The following CEP72 variants were observed in gnomAD, a reference collection of about 807,000 sequenced individuals.
CEP72 encodes centrosomal protein of 72 kDa.
Under a neutral mutation model 65.7 loss-of-function variants are expected in CEP72, and 78 were observed. The ratio of observed to expected loss-of-function variants is 1.19; its 90% CI spans 0.99 to 1.43. CEP72 has a LOEUF of 1.43. Among genes scored for constraint, CEP72 ranks in the 40% most tolerant of loss-of-function variants. The pLI, the probability that CEP72 is intolerant of heterozygous loss-of-function variation, is 0.00. For missense variants in CEP72, 914 were observed against 832.9 expected, an observed-to-expected ratio of 1.10 and a Z score of -1.20; for synonymous variants, 358 against 351.7, an observed-to-expected ratio of 1.02 and a Z score of -0.20.
chr5:665,120 C>T (rs1248189898), intron 2 of CEP72: 1 of 1,611,612 alleles, frequency 6.2e-7, no homozygotes, highest in South Asian at 1.1e-5. Flanking sequence ...CCCCTTGCAC[C>T]TTCTGGTCGT....
intron 4 of CEP72, among the ~76,000 whole-genome samples, chr5:632,121 G>A (rs547570718): frequency 1.6e-5 from 1 of 63,646 alleles, no homozygotes; most frequent in Admixed American, 1.6e-4. Flanking sequence ...GACCAGTCCT[G>A]GTGGGGTTCT....
chr5:673,783 A>G, the CEP72 span, among the ~76,000 whole-genome samples: 1 of 152,170 alleles, frequency 6.6e-6, no homozygotes, highest in South Asian at 2.1e-4. Context: ...GAGCAGCTCC[A>G]GCCCTGCCTC....
rs188421796 is a variant in CEP72, at chr5:623,020, G to A, written c.404-1451G>A. Among the ~76,000 whole-genome samples, 1 of 152,180 alleles carries A rather than the reference G, an allele frequency of 6.6e-6. No homozygotes were observed. Among genetic ancestry groups the A allele is most frequent in the Admixed American group, 6.5e-5 (1 of 15,292 alleles). On this transcript the variant is annotated intron_variant, in intron 3 of 11. Coordinates refer to ENST00000264935, the MANE Select transcript of CEP72 (RefSeq NM_018140.4). The surrounding 1 kb of genome is among the most constrained non-coding windows in gnomAD (Gnocchi z 5.3). ...GTTTCTGCAGAGAAGGAGCGCAGCC[G>A]TCTCCCCTCTTAGTGTTTCTGTAGA...
chr5:638,103 C>T (rs757433579), intron 7 of CEP72, among the ~76,000 whole-genome samples: 9 of 152,200 alleles, frequency 5.9e-5, no homozygotes, highest in Non-Finnish European at 1.2e-4. Context: ...CTTGCTGCTG[C>T]GTTTTGTTGG....
At chr5:647,754 A>G (rs769782081) in intron 10 of CEP72, 51 bp from the exon 11 acceptor site, 2 of 1,181,174 alleles carry the variant, frequency 1.7e-6, no homozygotes, top group South Asian at 2.6e-5. Flanking sequence ...TTCAAAATGT[A>G]TTAATGAGTT....
chr5:650,363 T>C (rs1580032736), intron 11 of CEP72, among the ~76,000 whole-genome samples: 3 of 114,558 alleles, frequency 2.6e-5, no homozygotes, highest in African/African-American at 3.8e-5. Flanking sequence ...CTGTGAGGTG[T>C]GACTGTGAGG....
At chr5:619,375 A>G (rs1226470011) in intron 2 of CEP72, among the ~76,000 whole-genome samples, 2 of 152,170 alleles carry the variant, frequency 1.3e-5, no homozygotes, top group Admixed American at 6.5e-5. Context: ...GTGGCAGTGC[A>G]GTGGGCCTGG....
At chr5:658,731 T>G (rs112418292), downstream of CEP72, among the ~76,000 whole-genome samples, 3 of 136,386 alleles carry the variant, frequency 2.2e-5, no homozygotes, top group East Asian at 5.0e-4. Context: ...TGCAGTGGCG[T>G]GATCTCGGCT....
intron 3 of CEP72, chr5:665,825 C>A (rs1478402164): frequency 2.1e-6 from 2 of 972,308 alleles, no homozygotes; most frequent in Non-Finnish European, 1.5e-6. Context: ...AGGCCACGCC[C>A]TCCTGACCAC....
At chr5:619,969 A>G (rs972650322) in intron 2 of CEP72, 100 bp from the exon 3 acceptor site, 2 of 881,040 alleles carry the variant, frequency 2.3e-6, no homozygotes, top group African/African-American at 1.7e-5. Flanking sequence ...TATTGCAAAT[A>G]AGTTTATACA....
downstream of CEP72, chr5:661,785 C>T (rs998108729): frequency 1.3e-5 from 2 of 152,388 alleles, no homozygotes; most frequent in South Asian, 2.1e-4. Flanking sequence ...TTTTTGCTAC[C>T]CCTCCTGGCT....
chr5:643,743 TGG>T, intron 9 of CEP72: 2 of 846,300 alleles, frequency 2.4e-6, no homozygotes, highest in Non-Finnish European at 2.8e-6. Flanking sequence ...CCAGACACCC[TGG>T]GGCCAGGGAG....
In CEP72 at chr5:653,111, T is replaced by C. The variant is rs191839802; in HGVS notation, c.1902T>C (p.Phe634=). ...YQELKKTMAL[F]PHSSASHGGC... ...AGCTCAAGAAGACCATGGCCCTGTT[T>C]CCACACAGCAGCGCCAGCCATGGAG... The change falls in exon 12 of 12, where the codon TTT becomes TTC. Residue 634 remains phenylalanine, a synonymous_variant. Transcript: ENST00000264935. 3 of 1,612,946 alleles carry C rather than the reference T, an allele frequency of 1.9e-6. No individual in the cohort carries two copies. The highest frequency in any genetic ancestry group is 2.5e-6 in the Non-Finnish European group (3 of 1,179,904).
intron 8 of CEP72, among the ~76,000 whole-genome samples, chr5:639,595 C>G (rs1737864515): frequency 6.6e-6 from 1 of 152,186 alleles, no homozygotes; most frequent in African/African-American, 2.4e-5. Flanking sequence ...AGACGTGTAG[C>G]CTGTGCTGGG....
At chr5:654,094 AGCTGTG>A (rs1739285319), downstream of CEP72, among the ~76,000 whole-genome samples, 1 of 114,444 alleles carries the variant, frequency 8.7e-6, no homozygotes, top group Admixed American at 1.0e-4. Context: ...TGTGTGTGCT[AGCTGTG>A]TGTGTGCTAG....
intron 6 of CEP72, among the ~76,000 whole-genome samples, chr5:636,937 G>T (rs559675631): frequency 6.6e-6 from 1 of 152,196 alleles, no homozygotes; most frequent in Non-Finnish European, 1.5e-5. Context: ...GCCGCTGCAG[G>T]ATGTGATGGG....
At chr5:636,355 C>T (rs1737596751) in intron 6 of CEP72, among the ~76,000 whole-genome samples, 1 of 152,196 alleles carries the variant, frequency 6.6e-6, no homozygotes, top group African/African-American at 2.4e-5. Context: ...TGTGTGCACA[C>T]CCTCCCTCAC....
chr5:657,100 T>C (rs1390264247), downstream of CEP72: 1 of 152,246 alleles, frequency 6.6e-6, no homozygotes. Context: ...TTAATAATTA[T>C]GGATTTTCTT....
chr5:621,751 A>G (rs1204602937), intron 3 of CEP72, among the ~76,000 whole-genome samples: 2 of 152,208 alleles, frequency 1.3e-5, no homozygotes, highest in African/African-American at 4.8e-5. Context: ...GTGATCACAC[A>G]TGTGTTTGTA....
Sources: allele counts gnomAD v4.1 joint callset (sites outside exome capture counted in the v4.1 genomes callset), GRCh38; gene constraint gnomAD v4.1.1; non-coding constraint Gnocchi (gnomAD v3.1); transcripts MANE v1.5; gene names NCBI Gene and HGNC (gene_info 2026-07-23, HGNC 2026-07-21).